Variants in MAP3K20 observed in about 807,000 individuals in gnomAD.
The protein encoded by MAP3K20 is mitogen-activated protein kinase kinase kinase 20, also known as HCCS-4.
Under a neutral mutation model 85.7 loss-of-function variants are expected in MAP3K20, and 40 were observed. The observed-to-expected ratio is 0.47, with a 90% confidence interval of 0.36 to 0.61. MAP3K20 has a LOEUF of 0.61. Ranked by LOEUF, MAP3K20 falls within the 20% of genes least tolerant of loss-of-function variation. The pLI, the probability that MAP3K20 is intolerant of heterozygous loss-of-function variation, is 0.00. For synonymous variants in MAP3K20, 325 were observed against 327.7 expected, an observed-to-expected ratio of 0.99 and a Z score of 0.09; for missense variants, 817 against 961.7, an observed-to-expected ratio of 0.85 and a Z score of 1.99.
chr2:173,135,405 A>T (rs1413823130), intron 2 of MAP3K20, among the ~76,000 whole-genome samples: 1 of 152,260 alleles, frequency 6.6e-6, no homozygotes, highest in Non-Finnish European at 1.5e-5. Flanking sequence ...GTGGGTTAAC[A>T]GACGGAAATG....
intron 16 of MAP3K20, among the ~76,000 whole-genome samples, chr2:173,249,248 G>C (rs763639411): frequency 6.6e-6 from 1 of 152,218 alleles, no homozygotes; most frequent in Non-Finnish European, 1.5e-5. Context: ...AAAAGCTTCT[G>C]AGGATCACTG....
intron 3 of MAP3K20, among the ~76,000 whole-genome samples, chr2:173,171,261 T>A (rs1270098862): frequency 6.6e-6 from 1 of 152,240 alleles, no homozygotes; most frequent in Non-Finnish European, 1.5e-5. Context: ...CCGTGTCCAT[T>A]GTATCTACTT....
At chr2:173,263,040 G>A (rs1685332211) in intron 18 of MAP3K20, among the ~76,000 whole-genome samples, 1 of 152,108 alleles carries the variant, frequency 6.6e-6, no homozygotes, top group African/African-American at 2.4e-5. Context: ...TTTCACTTCA[G>A]AGTTTTTTAA....
At chr2:173,169,961 A>G in intron 3 of MAP3K20, 69 bp downstream of exon 3, 1 of 1,385,414 alleles carries the variant, frequency 7.2e-7, no homozygotes, top group Non-Finnish European at 1.0e-6. Context: ...ATATGCTAAA[A>G]TGCTTAATAT....
At chr2:173,254,651 A>G (rs1157807671) in intron 16 of MAP3K20, among the ~76,000 whole-genome samples, 1 of 152,222 alleles carries the variant, frequency 6.6e-6, no homozygotes, top group Non-Finnish European at 1.5e-5. Context: ...TACTGGTTTC[A>G]TGGCATCTCA....
At chr2:173,226,227 C>A (rs957219003) in intron 11 of MAP3K20, 1 of 985,182 alleles carries the variant, frequency 1.0e-6, no homozygotes, top group Non-Finnish European at 1.2e-6. Flanking sequence ...AGAATGACCT[C>A]CCAGAATTAC....
At chr2:173,081,815 G>A (rs192049689) in intron 1 of MAP3K20, among the ~76,000 whole-genome samples, 6 of 152,282 alleles carry the variant, frequency 3.9e-5, no homozygotes, top group Admixed American at 1.3e-4. Flanking sequence ...GAGGGAGACC[G>A]TCTATACTTT....
At chr2:173,229,579 A>C in intron 11 of MAP3K20, 110 bp from the exon 12 acceptor site, 1 of 1,464,196 alleles carries the variant, frequency 6.8e-7, no homozygotes, top group Non-Finnish European at 9.4e-7. Flanking sequence ...TGCAGGAGGA[A>C]CCAAGCCAGA....
intron 11 of MAP3K20, chr2:173,221,514 T>C (rs769722521): frequency 2.6e-6 from 4 of 1,560,872 alleles, no homozygotes; most frequent in Admixed American, 1.9e-5. Flanking sequence ...GATAATGACA[T>C]GGATAATAGT....
chr2:173,213,773 T>G (rs1156488044), intron 10 of MAP3K20, among the ~76,000 whole-genome samples: 1 of 152,226 alleles, frequency 6.6e-6, no homozygotes, highest in East Asian at 1.9e-4. Flanking sequence ...CAATATTCAC[T>G]TGACTGAATT....
At chr2:173,119,668 A>G (rs140716283) in intron 2 of MAP3K20, among the ~76,000 whole-genome samples, 2 of 152,188 alleles carry the variant, frequency 1.3e-5, no homozygotes, top group African/African-American at 4.8e-5. Flanking sequence ...CTCTTTGGCT[A>G]CTCAGCTTCT....
At chr2:173,199,950 T>A (rs888382504) in intron 8 of MAP3K20, among the ~76,000 whole-genome samples, 1 of 152,180 alleles carries the variant, frequency 6.6e-6, no homozygotes, top group African/African-American at 2.4e-5. Flanking sequence ...GCAGTCTTTT[T>A]TCTCCCCAGA....
In MAP3K20 at chr2:173,121,461, A is replaced by G. The variant is rs182048580; in HGVS notation, c.159+30271A>G. On this transcript the variant is annotated intron_variant, in intron 2 of 19. Transcript: ENST00000375213. Reference sequence around the variant, plus strand: ...GGAGTGCAGCAGGCAATCTCGGCTCACTGTAAGCTCTGCCTCCCGGGTTCA... The same window carrying G: ...GGAGTGCAGCAGGCAATCTCGGCTCGCTGTAAGCTCTGCCTCCCGGGTTCA... Among the ~76,000 whole-genome samples, 16 of 152,174 alleles carry G rather than the reference A, an allele frequency of 1.1e-4. No individual in the cohort carries two copies. The East Asian group carries it at 3.1e-3, about 29-fold the overall frequency.
chr2:173,260,059 G>T (rs181149215), intron 17 of MAP3K20, among the ~76,000 whole-genome samples: 4 of 152,014 alleles, frequency 2.6e-5, no homozygotes, highest in Non-Finnish European at 5.9e-5. Context: ...ACAAACAAAC[G>T]ACAGCAACAA....
chr2:173,144,018 A>T (rs541524332), intron 2 of MAP3K20, among the ~76,000 whole-genome samples: 6 of 152,136 alleles, frequency 3.9e-5, no homozygotes, highest in Non-Finnish European at 8.8e-5. Context: ...CCTAAATTAT[A>T]GGCATGTATA....
chr2:173,175,508 T>C (rs1205421998), intron 3 of MAP3K20, among the ~76,000 whole-genome samples: 1 of 152,240 alleles, frequency 6.6e-6, no homozygotes, highest in Non-Finnish European at 1.5e-5. Context: ...GCAGTGTTTC[T>C]TATTTCAAGG....
chr2:173,251,718 C>T (rs185961082), intron 16 of MAP3K20, among the ~76,000 whole-genome samples: 28 of 152,110 alleles, frequency 1.8e-4, no homozygotes, highest in African/African-American at 6.5e-4. Flanking sequence ...GGTGGTTACA[C>T]AGATATATAC....
At chr2:173,195,263 A>G (rs1034209058) in intron 7 of MAP3K20, among the ~76,000 whole-genome samples, 2 of 152,114 alleles carry the variant, frequency 1.3e-5, no homozygotes, top group Admixed American at 1.3e-4. Flanking sequence ...TTCTCAGCCA[A>G]AACCAGCCTT....
At chr2:173,182,717 A>C in intron 3 of MAP3K20, 137 bp from the exon 4 acceptor site, 4 of 588,106 alleles carry the variant, frequency 6.8e-6, no homozygotes, top group Non-Finnish European at 1.1e-5. Flanking sequence ...TAGAAACCAC[A>C]CCATGGAACA....
Sources: gnomAD v4.1 joint callset for allele counts (sites outside exome capture counted in the v4.1 genomes callset) on GRCh38, gnomAD v4.1.1 for gene constraint, MANE v1.5 for transcripts, NCBI Gene and HGNC (gene_info 2026-07-23, HGNC 2026-07-21) for gene names.